The following NT5C2 variants were observed in gnomAD, a reference collection of about 807,000 sequenced individuals.
NT5C2 encodes the protein cytosolic purine 5'-nucleotidase.
In NT5C2, 58 loss-of-function variants were observed where a neutral mutation model predicts 76.1. The observed-to-expected ratio is 0.76, with a 90% CI of 0.62 to 0.95. The LOEUF (loss-of-function observed/expected upper bound fraction) is 0.95. Among genes scored for constraint, NT5C2 ranks in the 40% least tolerant of loss-of-function variants. NT5C2 has a pLI of 0.00. For synonymous variants in NT5C2, 229 were observed against 237.4 expected (o/e 0.96, Z 0.32); for missense variants, 478 against 690.3 (o/e 0.69, Z 3.45).
intron 2 of NT5C2, among the ~76,000 whole-genome samples, chr10:103,176,422 T>C (rs1263461368): frequency 6.6e-6 from 1 of 152,130 alleles, no homozygotes; most frequent in Admixed American, 6.6e-5. Context: ...GTAGGTTTTG[T>C]TTACCCTACT....
chr10:103,099,904 T>G (rs772482475), intron 9 of NT5C2, 22 bp downstream of exon 9: 3 of 1,460,870 alleles, frequency 2.1e-6, no homozygotes. Flanking sequence ...AGCAAGCAGG[T>G]GAAGAAACAG....
At chr10:103,184,782 A>G (rs191126650) in intron 1 of NT5C2, among the ~76,000 whole-genome samples, 2 of 152,330 alleles carry the variant, frequency 1.3e-5, no homozygotes, top group East Asian at 3.9e-4. Flanking sequence ...TATTTTGCTA[A>G]CATTTCAACA....
intron 14 of NT5C2, 26 bp downstream of exon 14, chr10:103,093,946 T>G: frequency 6.4e-7 from 1 of 1,566,080 alleles, no homozygotes; most frequent in Middle Eastern, 1.7e-4. Flanking sequence ...GCAAAGACAT[T>G]AAATAAAGGG....
chr10:103,133,095 TCTG>T (rs2078531254), intron 4 of NT5C2, among the ~76,000 whole-genome samples: 1 of 152,172 alleles, frequency 6.6e-6, no homozygotes, highest in Admixed American at 6.5e-5. Context: ...GTGTCTTTCC[TCTG>T]CTGTTCTCGT....
At chr10:103,091,973 TGAAA>T (rs1334306279) in intron 15 of NT5C2, among the ~76,000 whole-genome samples, 1 of 152,236 alleles carries the variant, frequency 6.6e-6, no homozygotes, top group African/African-American at 2.4e-5. Context: ...CATTTTCAGA[TGAAA>T]GATTGAGAAT....
intron 14 of NT5C2, 38 bp downstream of exon 14, chr10:103,093,934 G>A (rs1483303546): frequency 4.0e-6 from 6 of 1,486,702 alleles, no homozygotes; most frequent in South Asian, 2.3e-5. Context: ...TGTGAGGTCT[G>A]AGCAAAGACA....
chr10:103,128,948 G>C, intron 4 of NT5C2, among the ~76,000 whole-genome samples: 1 of 106,748 alleles, frequency 9.4e-6, no homozygotes, highest in African/African-American at 3.5e-5. Context: ...ATCTCCGCCC[G>C]GCAGCCACCC....
intron 1 of NT5C2, among the ~76,000 whole-genome samples, chr10:103,182,287 G>A (rs976296939): frequency 6.6e-6 from 1 of 151,892 alleles, no homozygotes; most frequent in African/African-American, 2.4e-5. Context: ...TAGATAATAG[G>A]GTAATAATAG....
chr10:103,186,379 A>C (rs1178566062), intron 1 of NT5C2, among the ~76,000 whole-genome samples: 1 of 152,272 alleles, frequency 6.6e-6, no homozygotes, highest in Non-Finnish European at 1.5e-5. Flanking sequence ...TGATGTTTGC[A>C]GGAATGAGTA....
intron 6 of NT5C2, among the ~76,000 whole-genome samples, chr10:103,103,421 C>T (rs2070333254): frequency 6.6e-6 from 1 of 152,202 alleles, no homozygotes; most frequent in Non-Finnish European, 1.5e-5. Flanking sequence ...TAAGCTGACA[C>T]TGTCTCCTTA....
At chr10:103,179,193 C>T (rs911256422) in intron 2 of NT5C2, among the ~76,000 whole-genome samples, 6 of 151,894 alleles carry the variant, frequency 4.0e-5, no homozygotes, top group African/African-American at 1.5e-4. Context: ...ATGATCTGCC[C>T]ACCTTGGCCT....
chr10:103,126,517 G>A (rs780022866), intron 4 of NT5C2, among the ~76,000 whole-genome samples: 1 of 152,182 alleles, frequency 6.6e-6, no homozygotes, highest in Non-Finnish European at 1.5e-5. Context: ...AGCTACTCAG[G>A]AGGCTGAGGC....
chr10:103,141,274 A>G (rs79993475), intron 3 of NT5C2, among the ~76,000 whole-genome samples: 14,389 of 152,170 alleles, frequency 0.095, 891 homozygotes, highest in East Asian at 0.28. Flanking sequence ...CTAGGTTAAC[A>G]TGGTGAGAAC....
At chr10:103,124,368 A>AT (rs2076282792) in intron 4 of NT5C2, among the ~76,000 whole-genome samples, 1 of 152,222 alleles carries the variant, frequency 6.6e-6, no homozygotes, top group Non-Finnish European at 1.5e-5. Context: ...GTTCATGATC[A>AT]TTTGCAATAC....
chr10:103,159,782 T>A (rs891479409), intron 3 of NT5C2, among the ~76,000 whole-genome samples: 1 of 152,084 alleles, frequency 6.6e-6, no homozygotes, highest in Non-Finnish European at 1.5e-5. Flanking sequence ...TGGAAAGACA[T>A]CCCATACTCA....
intron 4 of NT5C2, among the ~76,000 whole-genome samples, chr10:103,129,141 CCCGGCCAGCCGCCCCGT>C (rs1253458776): frequency 8.4e-6 from 1 of 118,918 alleles, no homozygotes; most frequent in East Asian, 3.1e-4. Context: ...CAGCCCCCCG[CCCGGCCAGCCGCCCCGT>C]CCGGGAGGTG....
chr10:103,091,513 C>T (rs749348801), intron 16 of NT5C2, 51 bp downstream of exon 16: 6 of 1,361,062 alleles, frequency 4.4e-6, no homozygotes, highest in Non-Finnish European at 6.3e-6. Flanking sequence ...TTTCTTATAT[C>T]TAAGTGATTC....
chr10:103,154,056 C>T (rs1013506598), intron 3 of NT5C2, among the ~76,000 whole-genome samples: 3 of 151,894 alleles, frequency 2.0e-5, no homozygotes, highest in African/African-American at 7.3e-5. Flanking sequence ...AGGTTAATTC[C>T]AAATCTCAGA....
At chr10:103,138,121 G>A (rs1409737281) in intron 4 of NT5C2, among the ~76,000 whole-genome samples, 2 of 152,180 alleles carry the variant, frequency 1.3e-5, no homozygotes, top group Non-Finnish European at 2.9e-5. Flanking sequence ...TAAAAAAGAA[G>A]TTCATCTTTT....
Sources: allele counts gnomAD v4.1 joint callset (sites outside exome capture counted in the v4.1 genomes callset), GRCh38; gene constraint gnomAD v4.1.1; transcripts MANE v1.5; gene names NCBI Gene and HGNC (gene_info 2026-07-23, HGNC 2026-07-21).